F13A1: variants seen among roughly 807,000 people sequenced by gnomAD.
F13A1 encodes coagulation factor XIII A chain.
In F13A1, 47 loss-of-function variants were observed where a neutral mutation model predicts 80.1. The ratio of observed to expected loss-of-function variants is 0.59; its 90% CI spans 0.46 to 0.75. The LOEUF is 0.75. Among genes scored for constraint, F13A1 ranks in the 30% least tolerant of loss-of-function variants. F13A1 has a pLI of 0.00. For synonymous variants in F13A1, 349 were observed against 344.9 expected (o/e 1.01, Z -0.13); for missense variants, 817 against 930.4 (o/e 0.88, Z 1.59).
chr6:6,198,693 G>GT, intron 8 of F13A1, among the ~76,000 whole-genome samples: 1 of 152,318 alleles, frequency 6.6e-6, no homozygotes. Context: ...TGACAAACCT[G>GT]TAAACCAATT....
intron 3 of F13A1, among the ~76,000 whole-genome samples, chr6:6,274,219 T>C (rs1266575356): frequency 1.3e-5 from 2 of 152,240 alleles, no homozygotes; most frequent in East Asian, 3.8e-4. Context: ...TAGTAGGTGC[T>C]CAATAAATAT....
intron 11 of F13A1, among the ~76,000 whole-genome samples, chr6:6,178,737 T>G (rs994663933): frequency 6.6e-6 from 1 of 150,868 alleles, no homozygotes; most frequent in Non-Finnish European, 1.5e-5. Flanking sequence ...CAAAAAGAGG[T>G]AGGAAAAGAG....
In F13A1 at chr6:6,243,600, C is replaced by T. The variant is rs1489854795; in HGVS notation, c.798+4712G>A. 7.2e-5 allele frequency among the ~76,000 whole-genome samples: 11 copies of T among 152,268 alleles called. No homozygotes were observed. The highest frequency in any genetic ancestry group is 5.9e-4 in the Admixed American group (9 of 15,298). Reference sequence around the variant, plus strand: ...ATAATTATTGTGTTATTGGCAATAACGTGTTGATAGTGGCCCTCTAAGGTA... The same window carrying T: ...ATAATTATTGTGTTATTGGCAATAATGTGTTGATAGTGGCCCTCTAAGGTA... On this transcript the variant is annotated intron_variant, in intron 6 of 14. Coordinates refer to ENST00000264870, the MANE Select transcript of F13A1 (RefSeq NM_000129.4). The surrounding 1 kb of genome is among the most constrained non-coding windows in gnomAD (Gnocchi z 4.2).
intron 4 of F13A1, among the ~76,000 whole-genome samples, chr6:6,255,869 G>A (rs1757696613): frequency 1.3e-5 from 2 of 152,030 alleles, no homozygotes; most frequent in South Asian, 4.1e-4. Flanking sequence ...GTGGAAAGCA[G>A]TGCTTTATTT....
chr6:6,224,810 G>A lies in F13A1; in HGVS notation c.849C>T (p.Ile283=). ...EGVLVGSWDN[I]YAYGVPPSAW... ...CCGATGGGGGGACGCCATAGGCATA[G>A]ATATTGTCCCAGGATCCAACGAGGA... Residue 283 remains isoleucine (I), a synonymous_variant, in exon 7 of 15, where the codon ATC becomes ATT. Transcript: ENST00000264870. 2.5e-6 allele frequency: 4 copies of A among 1,614,116 alleles called. No individual in the cohort carries two copies. The highest frequency in any genetic ancestry group is 3.4e-6 in the Non-Finnish European group (4 of 1,179,962).
Position 6,226,599 on chromosome 6 carries a change from T to C in F13A1, c.799-1739A>G, listed in dbSNP as rs976476652. ...CCTGCCTAGACCCCTCTTTTTGACT[T>C]GCTGTGTCTAGTTGTAGAGAAGTCT... is the stretch of plus-strand genomic sequence containing the variant. On this transcript the variant is annotated intron_variant, in intron 6 of 14. Coordinates refer to ENST00000264870, the MANE Select transcript of F13A1 (RefSeq NM_000129.4). Among the ~76,000 whole-genome samples, 4 of 152,162 alleles carry C rather than the reference T, an allele frequency of 2.6e-5. No homozygotes were observed. The East Asian group carries it at 7.7e-4, about 29-fold the overall frequency.
At chr6:6,154,857 G>C (rs1332463539) in intron 13 of F13A1, among the ~76,000 whole-genome samples, 1 of 152,096 alleles carries the variant, frequency 6.6e-6, no homozygotes, top group Non-Finnish European at 1.5e-5. Context: ...GAAGAAGATG[G>C]AGCTGCCACA....
intron 2 of F13A1, among the ~76,000 whole-genome samples, chr6:6,308,077 G>T (rs1583124734): frequency 6.6e-6 from 1 of 151,774 alleles, no homozygotes; most frequent in Non-Finnish European, 1.5e-5. Flanking sequence ...GCAGTGGCGC[G>T]ATCTCGGCTC....
At chr6:6,174,487 A>C in intron 12 of F13A1, 93 bp downstream of exon 12, 1 of 1,407,250 alleles carries the variant, frequency 7.1e-7, no homozygotes, top group Non-Finnish European at 1.0e-6. Flanking sequence ...AGGGAACTTT[A>C]ACTTTGATAT....
chr6:6,258,476 T>G (rs1431834469), intron 4 of F13A1, among the ~76,000 whole-genome samples: 2 of 152,208 alleles, frequency 1.3e-5, no homozygotes, highest in Non-Finnish European at 2.9e-5. Context: ...AAGGAAGGAA[T>G]TGTAAACCAC....
chr6:6,274,971 C>T (rs918314408), intron 3 of F13A1, among the ~76,000 whole-genome samples: 1 of 152,118 alleles, frequency 6.6e-6, no homozygotes, highest in African/African-American at 2.4e-5. Context: ...AGCAAAGGGA[C>T]CTCCAACGCT....
intron 10 of F13A1, among the ~76,000 whole-genome samples, chr6:6,193,399 CAG>C (rs1761236082): frequency 6.6e-6 from 1 of 152,234 alleles, no homozygotes; most frequent in Non-Finnish European, 1.5e-5. Flanking sequence ...CGAGGGAGAG[CAG>C]AGAGAGCCAC....
rs375528692 is a variant in F13A1, at chr6:6,145,822, T to G, written c.2046-50A>C. 312 of 1,613,306 alleles carry G rather than the reference T, an allele frequency of 1.9e-4. 3 individuals carry two copies. Among genetic ancestry groups the G allele is most frequent in the South Asian group, 1.3e-3 (120 of 91,058 alleles). On this transcript the variant is annotated intron_variant, in intron 14 of 14. Transcript: ENST00000264870. The stretch of plus-strand genomic sequence containing the variant: ...AGGTTGGAAGATCCAGCTTTCCACT[T>G]TGATCAGGAAGCAATGAAAACTCTT...
At chr6:6,148,679 G>T (rs1760325296) in intron 14 of F13A1, among the ~76,000 whole-genome samples, 1 of 152,170 alleles carries the variant, frequency 6.6e-6, no homozygotes, top group Non-Finnish European at 1.5e-5. Context: ...GGTTGTGAAG[G>T]TGTGTGCTGG....
At chr6:6,198,046 T>C (rs1300518759) in intron 8 of F13A1, among the ~76,000 whole-genome samples, 1 of 152,252 alleles carries the variant, frequency 6.6e-6, no homozygotes, top group Non-Finnish European at 1.5e-5. Context: ...AGAAAAAGCA[T>C]ATTCCTTTGT....
chr6:6,284,633 G>C (rs79667444), intron 3 of F13A1, among the ~76,000 whole-genome samples: 2,767 of 152,278 alleles, frequency 0.018, 73 homozygotes, highest in African/African-American at 0.063. Flanking sequence ...CCTTGAAACT[G>C]AGTGGTGTCC....
chr6:6,310,141 G>T (rs1758569441), intron 2 of F13A1, among the ~76,000 whole-genome samples: 2 of 152,168 alleles, frequency 1.3e-5, no homozygotes, highest in African/African-American at 4.8e-5. Context: ...AGTTTTATGG[G>T]ATATTGACAG....
intron 10 of F13A1, among the ~76,000 whole-genome samples, chr6:6,190,296 C>G (rs375034497): frequency 6.6e-6 from 1 of 152,218 alleles, no homozygotes. Flanking sequence ...GGAGGAGAGG[C>G]GCTCTTCTTT....
At chr6:6,207,075 G>A (rs1761502147) in intron 8 of F13A1, among the ~76,000 whole-genome samples, 1 of 151,982 alleles carries the variant, frequency 6.6e-6, no homozygotes, top group Non-Finnish European at 1.5e-5. Flanking sequence ...CAATCTGAGG[G>A]GCATTTATTC....
Sources: gnomAD v4.1 joint callset for allele counts (sites outside exome capture counted in the v4.1 genomes callset) on GRCh38, gnomAD v4.1.1 for gene constraint, Gnocchi (gnomAD v3.1) non-coding constraint, MANE v1.5 for transcripts, NCBI Gene and HGNC (gene_info 2026-07-23, HGNC 2026-07-21) for gene names.